Variants in ENTREP2 observed in about 807,000 individuals in gnomAD.
ENTREP2 encodes endosomal transmembrane epsin interactor 2, also known as protein ENTREP2.
chr15:29,570,701 C>T, the ENTREP2 span: 2 of 1,108,468 alleles, frequency 1.8e-6, no homozygotes, highest in East Asian at 4.8e-5. Flanking sequence ...ACGCGGCGCT[C>T]GGGGGCCGCC....
chr15:29,293,538 G>A, the ENTREP2 span, among the ~76,000 whole-genome samples: 3 of 152,008 alleles, frequency 2.0e-5, no homozygotes, highest in Non-Finnish European at 4.4e-5. Context: ...TTACAGGCAT[G>A]AGCCACCGCG....
At chr15:29,538,333 C>G in the ENTREP2 span, among the ~76,000 whole-genome samples, 1 of 151,976 alleles carries the variant, frequency 6.6e-6, no homozygotes, top group Admixed American at 6.6e-5. Flanking sequence ...GTTTTGCCAA[C>G]AGAGTATAAG....
chr15:29,657,378 G>A, the ENTREP2 span, among the ~76,000 whole-genome samples: 1 of 149,268 alleles, frequency 6.7e-6, no homozygotes, highest in African/African-American at 2.5e-5. Flanking sequence ...CTTACAAATG[G>A]CACGGACCCA....
chr15:29,511,546 C>A, the ENTREP2 span, among the ~76,000 whole-genome samples: 1 of 151,524 alleles, frequency 6.6e-6, no homozygotes, highest in African/African-American at 2.4e-5. Context: ...GGCTGGTCTC[C>A]CAACTCCTGG....
chr15:29,167,275 C>A, the ENTREP2 span, among the ~76,000 whole-genome samples: 1 of 151,930 alleles, frequency 6.6e-6, no homozygotes, highest in African/African-American at 2.4e-5. Flanking sequence ...ATTTCATGAC[C>A]GAGAACCCAA....
chr15:29,641,205 C>A, the ENTREP2 span, among the ~76,000 whole-genome samples: 6 of 152,202 alleles, frequency 3.9e-5, no homozygotes, highest in Non-Finnish European at 8.8e-5. Context: ...GAAAAACTTA[C>A]AGCTAATATC....
the ENTREP2 span, among the ~76,000 whole-genome samples, chr15:29,608,691 C>T: frequency 6.6e-6 from 1 of 151,874 alleles, no homozygotes. Flanking sequence ...CTCAGCCTCC[C>T]GAGTAGCTGG....
At chr15:29,122,546 T>C in the ENTREP2 span, 1 of 151,922 alleles carries the variant, frequency 6.6e-6, no homozygotes, top group African/African-American at 2.4e-5. Flanking sequence ...AATCGGCACT[T>C]GTTGTTACGG....
chr15:29,462,450 A>G, the ENTREP2 span, among the ~76,000 whole-genome samples: 1 of 152,000 alleles, frequency 6.6e-6, no homozygotes, highest in Non-Finnish European at 1.5e-5. Context: ...TTCTACTAAA[A>G]ATACAAAAAA....
At chr15:29,485,590 T>C in the ENTREP2 span, among the ~76,000 whole-genome samples, 1 of 152,012 alleles carries the variant, frequency 6.6e-6, no homozygotes, top group Non-Finnish European at 1.5e-5. Flanking sequence ...GCCAAAACCA[T>C]GAAAGGAAAG....
chr15:29,536,185 G>C, the ENTREP2 span, among the ~76,000 whole-genome samples: 4 of 152,058 alleles, frequency 2.6e-5, no homozygotes, highest in Admixed American at 6.6e-5. Context: ...AAGTCTGGTG[G>C]GGGGCTTCTA....
the ENTREP2 span, among the ~76,000 whole-genome samples, chr15:29,501,403 T>C: frequency 6.6e-6 from 1 of 151,938 alleles, no homozygotes; most frequent in Admixed American, 6.6e-5. Context: ...TAAAGCATAT[T>C]AGCATAAACC....
chr15:29,200,709 C>T, the ENTREP2 span, among the ~76,000 whole-genome samples: 9 of 152,060 alleles, frequency 5.9e-5, no homozygotes, highest in East Asian at 1.2e-3. Context: ...CAGGTGCCCG[C>T]CACCAGGCCC....
chr15:29,123,297 T>A, the ENTREP2 span: 1 of 1,465,206 alleles, frequency 6.8e-7, no homozygotes, highest in South Asian at 1.4e-5. Flanking sequence ...AGAACATCTG[T>A]GGCGCCAGGC....
the ENTREP2 span, among the ~76,000 whole-genome samples, chr15:29,597,210 G>A: frequency 6.6e-6 from 1 of 152,010 alleles, no homozygotes; most frequent in Non-Finnish European, 1.5e-5. Context: ...CATATAGTTG[G>A]ACTCATACAG....
chr15:29,449,812 A>G, the ENTREP2 span, among the ~76,000 whole-genome samples: 1 of 152,188 alleles, frequency 6.6e-6, no homozygotes, highest in East Asian at 1.9e-4. Flanking sequence ...CTATCTTTTA[A>G]ATACACATTC....
chr15:29,283,104 C>G, the ENTREP2 span, among the ~76,000 whole-genome samples: 1 of 152,126 alleles, frequency 6.6e-6, no homozygotes, highest in Non-Finnish European at 1.5e-5. Context: ...CTGGCAGACC[C>G]CAGGGTGAGA....
At chr15:29,479,649 T>C in the ENTREP2 span, among the ~76,000 whole-genome samples, 1 of 147,116 alleles carries the variant, frequency 6.8e-6, no homozygotes, top group African/African-American at 2.6e-5. Flanking sequence ...TCTCTCTCTG[T>C]CTGTCTCACA....
chr15:29,294,235 C>G, the ENTREP2 span, among the ~76,000 whole-genome samples: 1 of 152,184 alleles, frequency 6.6e-6, no homozygotes, highest in Non-Finnish European at 1.5e-5. Flanking sequence ...ATCCTGGAAG[C>G]AGCGTTATTG....
Sources: allele counts gnomAD v4.1 joint callset (sites outside exome capture counted in the v4.1 genomes callset), GRCh38; gene constraint gnomAD v4.1.1; transcripts MANE v1.5; gene names NCBI Gene and HGNC (gene_info 2026-07-23, HGNC 2026-07-21).